Variants in MAP1B observed in about 807,000 individuals in gnomAD.
The protein encoded by MAP1B is microtubule associated protein 1B, also known as microtubule-associated protein 1B.
In MAP1B, 12 loss-of-function variants were observed where a neutral mutation model predicts 176.1. The ratio of observed to expected loss-of-function variants is 0.07; its 90% CI spans 0.04 to 0.11. MAP1B has a LOEUF of 0.11. MAP1B is among the 10% of genes least tolerant of loss of function. The probability of loss-of-function intolerance (pLI) is 1.00; values close to 1 mark genes in which losing one functional copy is unlikely to be tolerated. For missense variants in MAP1B, 2,523 were observed against 2,990.5 expected, an observed-to-expected ratio of 0.84 and a Z score of 3.65; for synonymous variants, 1,044 against 1,135.0, an observed-to-expected ratio of 0.92 and a Z score of 1.61.
intron 2 of MAP1B, among the ~76,000 whole-genome samples, chr5:72,130,402 G>A (rs928887570): frequency 6.6e-6 from 1 of 152,182 alleles, no homozygotes; most frequent in Non-Finnish European, 1.5e-5. Context: ...TTAGAATAGT[G>A]CCAGGCATGT....
At chr5:72,180,391 C>T (rs534653603) in intron 2 of MAP1B, among the ~76,000 whole-genome samples, 2 of 152,302 alleles carry the variant, frequency 1.3e-5, no homozygotes, top group South Asian at 4.1e-4. Context: ...GCCTTTGAAG[C>T]TCTTGAAATC....
intron 2 of MAP1B, among the ~76,000 whole-genome samples, chr5:72,142,791 G>A (rs1414257952): frequency 6.6e-6 from 1 of 151,830 alleles, no homozygotes; most frequent in Non-Finnish European, 1.5e-5. Flanking sequence ...ATAGAGTGGA[G>A]CAGAACTGTT....
In MAP1B at chr5:72,198,135, G is replaced by A; in HGVS notation, c.4780G>A (p.Val1594Ile). 6.2e-7 allele frequency: 1 copy of A among 1,614,162 alleles called. No homozygotes were observed. The highest frequency in any genetic ancestry group is 8.5e-7 in the Non-Finnish European group (1 of 1,180,028). Residue 1594 changes from valine (V) to isoleucine (I), a missense_variant, in exon 5 of 7, where the codon GTT (valine) becomes ATT (isoleucine). Around this residue, in one of 4 missense-constraint regions of MAP1B, gnomAD observed 1,925 missense variants for 2,126.0 expected, o/e 0.91. Transcript: ENST00000296755. ...TEVDDSLSVS[V>I]VQTPTTFQET... The stretch of plus-strand genomic sequence containing the variant: ...AGTAGATGACTCCCTTTCAGTGTCT[G>A]TTGTGCAAACACCTACCACATTCCA...
chr5:72,183,153 G>T (rs1746814005), intron 2 of MAP1B, among the ~76,000 whole-genome samples: 1 of 152,218 alleles, frequency 6.6e-6, no homozygotes, highest in Non-Finnish European at 1.5e-5. Flanking sequence ...TGTTTCATGG[G>T]AGGGTTGTTC....
intron 1 of MAP1B, among the ~76,000 whole-genome samples, chr5:72,109,908 C>T (rs1318154972): frequency 6.6e-6 from 1 of 152,206 alleles, no homozygotes; most frequent in Non-Finnish European, 1.5e-5. Flanking sequence ...ATCTGATCAT[C>T]CTTTCAGCGC....
chr5:72,171,963 T>G lies in MAP1B; in HGVS notation c.287-11780T>G, dbSNP rs187660232. Among the ~76,000 whole-genome samples the G allele has an allele frequency of 1.3e-3, 204 of 152,352 alleles. 1 individual carries two copies. The highest frequency in any genetic ancestry group is 4.6e-3 in the African/African-American group (193 of 41,576). ...CCTTTGAAATGATGCAGTGGAGTTTTGAAATGATGCAGTGGAGGAATAAAC... is the reference window on the plus strand; with the variant it reads ...CCTTTGAAATGATGCAGTGGAGTTTGGAAATGATGCAGTGGAGGAATAAAC... On this transcript the variant is annotated intron_variant, in intron 2 of 6. Transcript: ENST00000296755.
At chr5:72,167,016 CTTTT>C (rs35935162) in intron 2 of MAP1B, among the ~76,000 whole-genome samples, 2 of 142,414 alleles carry the variant, frequency 1.4e-5, no homozygotes, top group African/African-American at 2.6e-5. Flanking sequence ...TATATTCCTT[CTTTT>C]TTTTTTTTTT....
intron 2 of MAP1B, among the ~76,000 whole-genome samples, chr5:72,155,340 A>G (rs1450371923): frequency 6.6e-6 from 1 of 152,230 alleles, no homozygotes; most frequent in African/African-American, 2.4e-5. Flanking sequence ...TTCCTGAGCT[A>G]TGGACCAACT....
chr5:72,194,481 A>G lies in MAP1B; in HGVS notation c.1126A>G (p.Arg376Gly). The G allele has an allele frequency of 2.5e-6, 4 of 1,614,114 alleles. No homozygotes were observed. The highest frequency in any genetic ancestry group is 3.4e-6 in the Non-Finnish European group (4 of 1,180,046). The change falls in exon 5 of 7, where the codon AGA becomes GGA. Residue 376 changes from arginine (R) to glycine (G), a missense_variant. Coordinates refer to ENST00000296755, the MANE Select transcript of MAP1B (RefSeq NM_005909.5). The surrounding 1 kb of genome is among the most constrained non-coding windows in gnomAD (Gnocchi z 7.2). ...KNPEPNIKMKRSIEEACFTLQ... is the reference protein window; with the variant it reads ...KNPEPNIKMKGSIEEACFTLQ... The stretch of plus-strand genomic sequence containing the variant: ...TCCAGAGCCAAACATCAAGATGAAG[A>G]GAAGCATAGAAGAAGCCTGCTTCAC...
intron 2 of MAP1B, among the ~76,000 whole-genome samples, chr5:72,117,111 C>A (rs1393908691): frequency 1.3e-5 from 2 of 151,794 alleles, no homozygotes; most frequent in Admixed American, 6.6e-5. Flanking sequence ...TAACTTCCTG[C>A]AAAGCCACAT....
chr5:72,132,191 C>T (rs927852348), intron 2 of MAP1B, among the ~76,000 whole-genome samples: 2 of 152,022 alleles, frequency 1.3e-5, no homozygotes, highest in African/African-American at 2.4e-5. Context: ...AATTCAGTTG[C>T]GAAGTAATTT....
Position 72,196,887 on chromosome 5 carries a change from G to A in MAP1B, c.3532G>A (p.Ala1178Thr), listed in dbSNP as rs1294623448. Residue 1178 changes from alanine to threonine, a missense_variant, in exon 5 of 7, where the codon GCT (alanine) becomes ACT (threonine). Coordinates refer to ENST00000296755, the MANE Select transcript of MAP1B (RefSeq NM_005909.5). This position sits in a 1 kb window ranked among gnomAD's most constrained non-coding sequence, Gnocchi z 5.3. ...SLYSQEYSKP[A>T]DVTPLNGFSE... ...GTATTCTCAGGAATACTCTAAACCT[G>A]CTGATGTTACACCGCTCAACGGATT... 23 of 1,614,196 alleles carry A rather than the reference G, an allele frequency of 1.4e-5. No individual in the cohort carries two copies. The highest frequency in any genetic ancestry group is 1.9e-5 in the Non-Finnish European group (22 of 1,180,040).
intron 2 of MAP1B, among the ~76,000 whole-genome samples, chr5:72,116,950 T>C (rs1267901755): frequency 6.6e-6 from 1 of 152,142 alleles, no homozygotes; most frequent in African/African-American, 2.4e-5. Flanking sequence ...TGCAGTAATA[T>C]GCCCATAGGA....
At chr5:72,141,612 T>C (rs1172225989) in intron 2 of MAP1B, among the ~76,000 whole-genome samples, 1 of 152,212 alleles carries the variant, frequency 6.6e-6, no homozygotes, top group South Asian at 2.1e-4. Context: ...AGTACCCTGA[T>C]GGCATGACTC....
chr5:72,177,300 G>A (rs1429371793), intron 2 of MAP1B, among the ~76,000 whole-genome samples: 1 of 152,078 alleles, frequency 6.6e-6, no homozygotes, highest in African/African-American at 2.4e-5. Context: ...GCTTCTCAGA[G>A]CATGGTTACT....
At chr5:72,138,514 G>A (rs573774615) in intron 2 of MAP1B, among the ~76,000 whole-genome samples, 1 of 152,162 alleles carries the variant, frequency 6.6e-6, no homozygotes, top group African/African-American at 2.4e-5. Flanking sequence ...TTCCCTACCA[G>A]GAATTTATTC....
intron 2 of MAP1B, among the ~76,000 whole-genome samples, chr5:72,163,059 C>G (rs1373623336): frequency 6.6e-6 from 1 of 151,964 alleles, no homozygotes; most frequent in East Asian, 1.9e-4. Flanking sequence ...GACACCCTGT[C>G]TGTCCTAAAA....
intron 2 of MAP1B, among the ~76,000 whole-genome samples, chr5:72,133,127 T>C (rs1173548998): frequency 6.6e-6 from 1 of 152,232 alleles, no homozygotes; most frequent in African/African-American, 2.4e-5. Context: ...AGTCTGTCTT[T>C]ACTGTCCAAG....
rs1178171124 is a variant in MAP1B at position 72,107,622 on chromosome 5, C to T, written c.91C>T (p.Arg31Cys). ...AASTSPSLSH[R>C]FLDSKFYLLV... ...GTCCACCTCGCCTAGCCTGTCGCACCGCTTCCTTGACAGCAAGTTCTACTT... is the reference window on the plus strand; with the variant it reads ...GTCCACCTCGCCTAGCCTGTCGCACTGCTTCCTTGACAGCAAGTTCTACTT... Residue 31 changes from arginine to cysteine, a missense_variant, in exon 1 of 7, where the codon CGC becomes TGC. Physicochemically the swap from Arg to Cys is radical, Grantham distance 180. Coordinates refer to ENST00000296755, the MANE Select transcript of MAP1B (RefSeq NM_005909.5). 1.3e-6 allele frequency: 2 copies of T among 1,599,976 alleles called. No individual in the cohort carries two copies. The highest frequency in any genetic ancestry group is 1.3e-5 in the African/African-American group (1 of 75,010).
Sources: allele counts gnomAD v4.1 joint callset (sites outside exome capture counted in the v4.1 genomes callset), GRCh38; gene constraint gnomAD v4.1.1; regional missense constraint gnomAD v4.1.1; non-coding constraint Gnocchi (gnomAD v3.1); transcripts MANE v1.5; gene names NCBI Gene and HGNC (gene_info 2026-07-23, HGNC 2026-07-21).